DYRK1A: variants seen among roughly 807,000 people sequenced by gnomAD.
DYRK1A encodes dual specificity tyrosine-phosphorylation-regulated kinase 1A.
A neutral mutation model predicts 79.7 loss-of-function variants in DYRK1A; 9 were observed. The observed-to-expected ratio is 0.11, with a 90% CI of 0.07 to 0.20. DYRK1A has a LOEUF of 0.20. DYRK1A is among the 10% of genes least tolerant of loss of function. The pLI, the probability that DYRK1A is intolerant of heterozygous loss-of-function variation, is 1.00. For missense variants in DYRK1A, 622 were observed against 956.0 expected (o/e 0.65, Z 4.61); for synonymous variants, 349 against 329.7 (o/e 1.06, Z -0.63).
intron 1 of DYRK1A, among the ~76,000 whole-genome samples, chr21:37,414,687 TA>T (rs1180534945): frequency 6.6e-6 from 1 of 152,160 alleles, no homozygotes; most frequent in Non-Finnish European, 1.5e-5. Context: ...CTGCATGTGA[TA>T]GGGGTGCTTT....
At chr21:37,497,057 T>A (rs957194058) in intron 9 of DYRK1A, among the ~76,000 whole-genome samples, 2 of 152,202 alleles carry the variant, frequency 1.3e-5, no homozygotes, top group Non-Finnish European at 2.9e-5. Flanking sequence ...CACACACATG[T>A]ACATACAGAA....
At chr21:37,478,728 C>T (rs909825986) in intron 4 of DYRK1A, among the ~76,000 whole-genome samples, 2 of 152,062 alleles carry the variant, frequency 1.3e-5, no homozygotes, top group Non-Finnish European at 2.9e-5. Context: ...ATGTTTAATA[C>T]CTAGTTACAG....
At chr21:37,393,751 G>T (rs752135099) in intron 1 of DYRK1A, among the ~76,000 whole-genome samples, 4 of 152,214 alleles carry the variant, frequency 2.6e-5, no homozygotes, top group Non-Finnish European at 5.9e-5. Context: ...TTTGGGCAGG[G>T]CCTGTCTCCA....
chr21:37,369,167 G>A (rs1171011750), intron 1 of DYRK1A, among the ~76,000 whole-genome samples: 1 of 152,144 alleles, frequency 6.6e-6, no homozygotes, highest in East Asian at 1.9e-4. Flanking sequence ...TATAGTTTAT[G>A]TGTCCAAAGT....
At chr21:37,417,537 T>TTTC (rs1569304641) in intron 1 of DYRK1A, among the ~76,000 whole-genome samples, 2 of 107,388 alleles carry the variant, frequency 1.9e-5, no homozygotes, top group African/African-American at 3.3e-5. Context: ...TTCTTTTTTT[T>TTTC]TTTTTTTTTT....
rs567645094 is a variant in DYRK1A, at chr21:37,404,274, C to T, written c.-76-16025C>T. Among the ~76,000 whole-genome samples the T allele has an allele frequency of 4.1e-4, 62 of 152,116 alleles. No individual in the cohort carries two copies. In the South Asian group the frequency reaches 0.011, roughly 27 times the overall value. On this transcript the variant is annotated intron_variant, in intron 1 of 11. Transcript: ENST00000647188. ...AATGCTTGACCAAATGTGTGGGCACCCTGTGGCCTAGGCAGGTTGACACAT... is the reference window on the plus strand; with the variant it reads ...AATGCTTGACCAAATGTGTGGGCACTCTGTGGCCTAGGCAGGTTGACACAT...
At chr21:37,502,570 T>C (rs1159247917) in intron 9 of DYRK1A, 1 of 152,212 alleles carries the variant, frequency 6.6e-6, no homozygotes, top group Admixed American at 6.5e-5. Flanking sequence ...TTGCATGTTA[T>C]AAACCTCACA....
intron 2 of DYRK1A, among the ~76,000 whole-genome samples, chr21:37,472,362 C>G (rs930715003): frequency 6.6e-6 from 1 of 152,130 alleles, no homozygotes; most frequent in African/African-American, 2.4e-5. Flanking sequence ...TAAAAGATTA[C>G]TTATTTAACT....
Position 37,420,324 on chromosome 21 carries a change from TC to T in DYRK1A, c.-48del. The stretch of plus-strand genomic sequence containing the variant: ...TGTTATAGTTTTGCCGCTGGACTCT[TC>T]CCTCCCTTCCCCCACCCCATCAGGA... On this transcript the variant is annotated 5_prime_UTR_variant, in exon 2 of 12. Coordinates refer to ENST00000647188, the MANE Select transcript of DYRK1A (RefSeq NM_001347721.2). 1.3e-6 allele frequency: 2 copies of T among 1,593,708 alleles called. No individual in the cohort carries two copies. Among genetic ancestry groups the T allele is most frequent in the Non-Finnish European group, 1.7e-6 (2 of 1,163,332 alleles).
At chr21:37,470,396 CATAG>C (rs2052181295) in intron 2 of DYRK1A, among the ~76,000 whole-genome samples, 1 of 152,038 alleles carries the variant, frequency 6.6e-6, no homozygotes, top group African/African-American at 2.4e-5. Context: ...ATAACAGTGA[CATAG>C]ATAATAAAAA....
intron 6 of DYRK1A, chr21:37,486,931 G>C (rs1475379609): frequency 5.6e-6 from 1 of 178,432 alleles, no homozygotes; most frequent in Non-Finnish European, 1.2e-5. Flanking sequence ...CATCTTTCCA[G>C]TAACTTTAAC....
intron 1 of DYRK1A, among the ~76,000 whole-genome samples, chr21:37,387,338 T>C (rs182937470): frequency 6.6e-6 from 1 of 152,348 alleles, no homozygotes. Context: ...TAATTATGAC[T>C]AAGTTTTGTT....
At chr21:37,511,784 A>G (rs769748134) in intron 11 of DYRK1A, 127 bp from the exon 12 acceptor site, 280 of 1,146,622 alleles carry the variant, frequency 2.4e-4, no homozygotes, top group Non-Finnish European at 3.0e-4. Flanking sequence ...TTAACACATT[A>G]AAAGTTTCAA....
chr21:37,474,277 C>G (rs565623826), intron 3 of DYRK1A, among the ~76,000 whole-genome samples: 1 of 152,120 alleles, frequency 6.6e-6, no homozygotes, highest in Non-Finnish European at 1.5e-5. Context: ...TAACAAAGCA[C>G]CTATTTTTAT....
intron 3 of DYRK1A, 37 bp downstream of exon 3, chr21:37,472,917 G>A: frequency 7.1e-7 from 1 of 1,400,986 alleles, no homozygotes; most frequent in Non-Finnish European, 9.5e-7. Flanking sequence ...CTATTGGAAT[G>A]GCAGTTTATT....
intron 5 of DYRK1A, 122 bp from the exon 6 acceptor site, chr21:37,486,345 G>GA (rs2052864344): frequency 1.3e-6 from 1 of 796,634 alleles, no homozygotes; most frequent in African/African-American, 1.8e-5. Flanking sequence ...AGGAAGGTCA[G>GA]AAAAATAATT....
intron 2 of DYRK1A, among the ~76,000 whole-genome samples, chr21:37,452,919 A>G (rs2051506578): frequency 6.6e-6 from 1 of 152,116 alleles, no homozygotes; most frequent in Non-Finnish European, 1.5e-5. Flanking sequence ...CACTTATGTA[A>G]TTTAAATTTT....
intron 1 of DYRK1A, among the ~76,000 whole-genome samples, chr21:37,389,709 A>G (rs1350106749): frequency 6.6e-6 from 1 of 151,030 alleles, no homozygotes; most frequent in Non-Finnish European, 1.5e-5. Context: ...TGCGAGGGTG[A>G]GGCTTGTTCG....
rs1035280412 is a variant in DYRK1A at position 37,409,992 on chromosome 21, G to A, written c.-76-10307G>A. Among the ~76,000 whole-genome samples the A allele has an allele frequency of 1.1e-4, 16 of 151,926 alleles. 1 individual carries two copies. The highest frequency in any genetic ancestry group is 2.9e-4 in the African/African-American group (12 of 41,372). ...CATTTTGTATATTCTGTTATGAAAC[G>A]GATTTCTAAAATTAGAGATTGAACA... is the stretch of plus-strand genomic sequence containing the variant. On this transcript the variant is annotated intron_variant, in intron 1 of 11. Coordinates refer to ENST00000647188, the MANE Select transcript of DYRK1A (RefSeq NM_001347721.2).
Sources: gnomAD v4.1 joint callset for allele counts (sites outside exome capture counted in the v4.1 genomes callset) on GRCh38, gnomAD v4.1.1 for gene constraint, MANE v1.5 for transcripts, NCBI Gene and HGNC (gene_info 2026-07-23, HGNC 2026-07-21) for gene names.